Variants in GFPT2 observed in about 807,000 individuals in gnomAD.
GFPT2 encodes the protein glutamine--fructose-6-phosphate transaminase 2.
A neutral mutation model predicts 85.6 loss-of-function variants in GFPT2; 62 were observed. The ratio of observed to expected loss-of-function variants is 0.72; its 90% CI spans 0.59 to 0.90. The LOEUF is 0.90. Among genes scored for constraint, GFPT2 ranks in the 40% least tolerant of loss-of-function variants. The probability of loss-of-function intolerance (pLI) is 0.00; values close to 1 mark genes in which losing one functional copy is unlikely to be tolerated. For synonymous variants in GFPT2, 368 were observed against 344.5 expected, an observed-to-expected ratio of 1.07 and a Z score of -0.75; for missense variants, 788 against 893.4, an observed-to-expected ratio of 0.88 and a Z score of 1.50.
intron 16 of GFPT2, among the ~76,000 whole-genome samples, chr5:180,306,404 C>T (rs576655589): frequency 3.6e-4 from 55 of 152,338 alleles, no homozygotes; most frequent in Middle Eastern, 3.4e-3. Flanking sequence ...GCACTGTCCC[C>T]GTCACCTGGG....
intron 1 of GFPT2, among the ~76,000 whole-genome samples, chr5:180,346,081 G>A (rs1764601970): frequency 2.0e-5 from 3 of 152,008 alleles, no homozygotes; most frequent in Admixed American, 2.0e-4. Context: ...ACCCTGCTGG[G>A]TAAACCACCA....
At chr5:180,329,380 G>A (rs185480894) in intron 6 of GFPT2, among the ~76,000 whole-genome samples, 7 of 152,274 alleles carry the variant, frequency 4.6e-5, no homozygotes, top group Non-Finnish European at 7.4e-5. Flanking sequence ...AACACTGCAC[G>A]TTCTCTGCCA....
At chr5:180,331,990 G>C (rs902839353) in intron 4 of GFPT2, among the ~76,000 whole-genome samples, 1 of 152,240 alleles carries the variant, frequency 6.6e-6, no homozygotes, top group Non-Finnish European at 1.5e-5. Flanking sequence ...GCACCGTGCT[G>C]TGTTTGACCC....
At chr5:180,349,305 T>C (rs1764666300) in intron 1 of GFPT2, among the ~76,000 whole-genome samples, 1 of 152,042 alleles carries the variant, frequency 6.6e-6, no homozygotes. Flanking sequence ...AGACTCTGCC[T>C]CTAAAAATAA....
intron 15 of GFPT2, among the ~76,000 whole-genome samples, chr5:180,311,914 G>A (rs982166815): frequency 2.0e-5 from 3 of 151,870 alleles, no homozygotes; most frequent in Admixed American, 1.3e-4. Context: ...GAGCCAGTGC[G>A]AAGGCCCTGC....
At chr5:180,343,791 G>A (rs1764561485) in intron 1 of GFPT2, among the ~76,000 whole-genome samples, 1 of 152,234 alleles carries the variant, frequency 6.6e-6, no homozygotes, top group African/African-American at 2.4e-5. Flanking sequence ...GCTACAGTGA[G>A]AATCCACTTT....
intron 4 of GFPT2, among the ~76,000 whole-genome samples, chr5:180,334,821 G>A (rs1167926602): frequency 6.6e-6 from 1 of 152,198 alleles, no homozygotes; most frequent in Non-Finnish European, 1.5e-5. Context: ...GGAGGAGACA[G>A]GGATTAGATC....
At chr5:180,332,555 T>C (rs1381222501) in intron 4 of GFPT2, among the ~76,000 whole-genome samples, 2 of 152,216 alleles carry the variant, frequency 1.3e-5, no homozygotes, top group African/African-American at 4.8e-5. Context: ...ATTATTATTT[T>C]GAGACAGAAT....
At chr5:180,310,460 G>T (rs1268989411) in intron 15 of GFPT2, among the ~76,000 whole-genome samples, 1 of 149,372 alleles carries the variant, frequency 6.7e-6, no homozygotes, top group Non-Finnish European at 1.5e-5. Context: ...GCCCAGGCTG[G>T]AGTGCAGTGG....
At chr5:180,324,462 G>A in intron 8 of GFPT2, 157 bp from the exon 9 acceptor site, 1 of 601,578 alleles carries the variant, frequency 1.7e-6, no homozygotes, top group Admixed American at 3.1e-5. Context: ...TCCCCCAATA[G>A]CACAGTACCA....
rs1561873280 is a variant in GFPT2 at position 180,312,028 on chromosome 5, G to GAGGACCA, written c.1546+401_1546+402insTGGTCCT. 2.5e-4 allele frequency among the ~76,000 whole-genome samples: 17 copies of GAGGACCA among 66,828 alleles called. 1 individual carries two copies. The highest frequency in any genetic ancestry group is 8.8e-5 in the Non-Finnish European group (3 of 34,034). 43.8% of individuals were successfully genotyped at this position (66,828 alleles called of 152,430 possible). A position where few individuals can be genotyped will look rare whatever the true frequency, so the allele number is the denominator to read the frequency against. On this transcript the variant is annotated intron_variant, in intron 15 of 18. Coordinates refer to ENST00000253778, the MANE Select transcript of GFPT2 (RefSeq NM_005110.4). ...CTGAGGGGCAGGGAGGCAGGGAGGC[G>GAGGACCA]GGGAGGTGGGGAGGCTGAGGGGCAG... is the stretch of plus-strand genomic sequence containing the variant.
intron 7 of GFPT2, among the ~76,000 whole-genome samples, chr5:180,327,369 A>G (rs557419808): frequency 6.6e-6 from 1 of 152,292 alleles, no homozygotes; most frequent in East Asian, 1.9e-4. Context: ...CCGTCCCACC[A>G]ATGCCCTTGC....
At chr5:180,315,685 G>A (rs1331756127) in intron 13 of GFPT2, among the ~76,000 whole-genome samples, 1 of 152,176 alleles carries the variant, frequency 6.6e-6, no homozygotes, top group African/African-American at 2.4e-5. Flanking sequence ...GGAATTATCC[G>A]TAATTAAAAC....
rs138688544 is a variant in GFPT2, at chr5:180,308,956, G to C, written c.1547-1653C>G. On this transcript the variant is annotated intron_variant, in intron 15 of 18. Coordinates refer to ENST00000253778, the MANE Select transcript of GFPT2 (RefSeq NM_005110.4). ...ACGATCTCGGCTCACTGTAACCTCG[G>C]CCACCCGGGTTCAAGTGATTCTCCT... is the stretch of plus-strand genomic sequence containing the variant. Among the ~76,000 whole-genome samples, 1,407 of 151,880 alleles carry C rather than the reference G, an allele frequency of 9.3e-3. 26 individuals carry two copies. The highest frequency in any genetic ancestry group is 0.032 in the African/African-American group (1,340 of 41,364).
intron 13 of GFPT2, 74 bp from the exon 14 acceptor site, chr5:180,314,038 C>G (rs1329693112): frequency 2.8e-6 from 4 of 1,415,464 alleles, no homozygotes; most frequent in Non-Finnish European, 3.7e-6. Flanking sequence ...CCTCCTTCAC[C>G]GCCGGCTCTT....
chr5:180,314,254 G>A (rs1763959612), intron 13 of GFPT2, among the ~76,000 whole-genome samples: 2 of 152,154 alleles, frequency 1.3e-5, no homozygotes, highest in African/African-American at 2.4e-5. Context: ...GGAGGAAACC[G>A]GTGCTCTGAT....
In GFPT2 at chr5:180,304,957, G is replaced by C. The variant is rs1375104624; in HGVS notation, c.1675-18C>G. ...TTAATTTTCTGGAAACAGGAGGTGAGATCAGAGTCACACTGGGCAGATGGG... is the reference window on the plus strand; with the variant it reads ...TTAATTTTCTGGAAACAGGAGGTGACATCAGAGTCACACTGGGCAGATGGG... On this transcript the variant is annotated intron_variant, in intron 16 of 18. Transcript: ENST00000253778. The C allele has an allele frequency of 6.3e-7, 1 of 1,585,550 alleles. No homozygotes were observed. The highest frequency in any genetic ancestry group is 1.7e-5 in the Admixed American group (1 of 59,728).
chr5:180,307,422 T>G, intron 15 of GFPT2, 119 bp from the exon 16 acceptor site: 2 of 947,684 alleles, frequency 2.1e-6, no homozygotes, highest in South Asian at 3.3e-5. Flanking sequence ...TAGCACACTT[T>G]GCTTCCTCGC....
intron 13 of GFPT2, among the ~76,000 whole-genome samples, 188 bp downstream of exon 13, chr5:180,316,153 T>G (rs561871448): frequency 6.6e-6 from 1 of 151,984 alleles, no homozygotes; most frequent in African/African-American, 2.4e-5. Flanking sequence ...CTGCATGGCC[T>G]TAGACATCTC....
Sources: gnomAD v4.1 joint callset for allele counts (sites outside exome capture counted in the v4.1 genomes callset) on GRCh38, gnomAD v4.1.1 for gene constraint, MANE v1.5 for transcripts, NCBI Gene and HGNC (gene_info 2026-07-23, HGNC 2026-07-21) for gene names.